GFOD1: variants seen among roughly 807,000 people sequenced by gnomAD.
GFOD1 encodes glucose-fructose oxidoreductase domain-containing protein 1.
A neutral mutation model predicts 25.4 loss-of-function variants in GFOD1; 9 were observed. That is an observed-to-expected ratio of 0.35 (90% CI 0.21 to 0.62). The LOEUF is 0.62. Ranked by LOEUF, GFOD1 falls within the 20% of genes least tolerant of loss-of-function variation. The pLI is 0.72. For synonymous variants in GFOD1, 253 were observed against 245.6 expected (o/e 1.03, Z -0.28); for missense variants, 403 against 556.9 (o/e 0.72, Z 2.78).
chr6:13,451,516 T>G (rs1040558690), intron 1 of GFOD1, among the ~76,000 whole-genome samples: 2 of 152,128 alleles, frequency 1.3e-5, no homozygotes, highest in Non-Finnish European at 2.9e-5. Flanking sequence ...TGAGGTGTCT[T>G]GAGACTTCAT....
At chr6:13,446,751 C>T (rs988283543) in intron 1 of GFOD1, among the ~76,000 whole-genome samples, 4 of 152,142 alleles carry the variant, frequency 2.6e-5, no homozygotes, top group African/African-American at 9.7e-5. Context: ...GGGTAAGGGC[C>T]GATGTGATCC....
At chr6:13,429,192 T>C (rs2127569849) in intron 1 of GFOD1, among the ~76,000 whole-genome samples, 1 of 152,298 alleles carries the variant, frequency 6.6e-6, no homozygotes, top group South Asian at 2.1e-4. Context: ...CATTTTGGGC[T>C]GAGAAGCCCT....
chr6:13,385,469 T>C (rs1030061094), intron 1 of GFOD1, among the ~76,000 whole-genome samples: 10 of 152,220 alleles, frequency 6.6e-5, no homozygotes, highest in Non-Finnish European at 1.0e-4. Flanking sequence ...GTGGCTGTTC[T>C]GCTGGGGCTG....
At chr6:13,380,503 T>C (rs1259541079) in intron 1 of GFOD1, among the ~76,000 whole-genome samples, 2 of 152,170 alleles carry the variant, frequency 1.3e-5, no homozygotes, top group African/African-American at 4.8e-5. Context: ...GATGGGGTGC[T>C]GGCGGGAGCA....
At chr6:13,474,939 C>A (rs1216928506) in intron 1 of GFOD1, among the ~76,000 whole-genome samples, 1 of 152,164 alleles carries the variant, frequency 6.6e-6, no homozygotes, top group Non-Finnish European at 1.5e-5. Context: ...AAACTAATTT[C>A]TCTTGGGTTG....
At position 13,390,723 on chromosome 6, in the gene GFOD1, A is replaced by C. The variant is rs868167463; in HGVS notation, c.254-25061T>G. On this transcript the variant is annotated intron_variant, in intron 1 of 1. Coordinates refer to ENST00000379287, the MANE Select transcript of GFOD1 (RefSeq NM_018988.4). ...GCCTGGTGACAGTGAGACCCTGTGA[A>C]AAAAAAAAAAAGAAAGAAAGACAGG... is the stretch of plus-strand genomic sequence containing the variant. 1.8e-3 allele frequency among the ~76,000 whole-genome samples: 138 copies of C among 75,064 alleles called. 1 individual carries two copies. The Middle Eastern group carries it at 0.032, about 17-fold the overall frequency. The allele number at this position is 75,064 out of a possible 152,430, so 49.2% of individuals were successfully genotyped here.
chr6:13,459,631 G>A (rs10948701), intron 1 of GFOD1, among the ~76,000 whole-genome samples: 149,352 of 152,276 alleles, frequency 0.98, 73,311 homozygotes, highest in Middle Eastern at 1. Flanking sequence ...TAATATCCAG[G>A]ACCTACAAGG....
At chr6:13,375,065 T>G (rs1323087118) in intron 1 of GFOD1, among the ~76,000 whole-genome samples, 1 of 152,198 alleles carries the variant, frequency 6.6e-6, no homozygotes, top group African/African-American at 2.4e-5. Context: ...ATCTTTATGA[T>G]TTCTTTGTGT....
At chr6:13,433,884 T>A (rs1341206996) in intron 1 of GFOD1, among the ~76,000 whole-genome samples, 2 of 152,200 alleles carry the variant, frequency 1.3e-5, no homozygotes, top group Non-Finnish European at 2.9e-5. Context: ...CCCGTACAGA[T>A]CACCTGTTCC....
rs537924100 is a variant in GFOD1, at chr6:13,433,207, C to T, written c.253+53431G>A. ...CAATCTCAGCTCACTGCAACCTCCA[C>T]CTCCAGGGTTCAAGCACTTCTCCTG... On this transcript the variant is annotated intron_variant, in intron 1 of 1. Coordinates refer to ENST00000379287, the MANE Select transcript of GFOD1 (RefSeq NM_018988.4). Among the ~76,000 whole-genome samples, 8 of 151,604 alleles carry T rather than the reference C, an allele frequency of 5.3e-5. No individual in the cohort carries two copies. In the East Asian group the frequency reaches 1.4e-3, roughly 26 times the overall value.
At position 13,471,795 on chromosome 6, in the gene GFOD1, T is replaced by C. The variant is rs575122415; in HGVS notation, c.253+14843A>G. On this transcript the variant is annotated intron_variant, in intron 1 of 1. Transcript: ENST00000379287. ...ATCCATTAATGCTGTCCAGTAGAACTTTCTGCAATGATGGATATATTCTAT... is the reference window on the plus strand; with the variant it reads ...ATCCATTAATGCTGTCCAGTAGAACCTTCTGCAATGATGGATATATTCTAT... Among the ~76,000 whole-genome samples the C allele has an allele frequency of 1.1e-3, 173 of 152,330 alleles. 1 individual carries two copies. The highest frequency in any genetic ancestry group is 1.2e-3 in the Non-Finnish European group (84 of 68,026).
intron 1 of GFOD1, among the ~76,000 whole-genome samples, chr6:13,410,005 G>T (rs1225631823): frequency 2.5e-4 from 30 of 121,588 alleles, no homozygotes; most frequent in East Asian, 1.7e-3. Context: ...CGGATTTTTA[G>T]TTTTTTTTTT....
intron 1 of GFOD1, among the ~76,000 whole-genome samples, chr6:13,482,359 AC>A (rs1758771875): frequency 6.6e-6 from 1 of 151,168 alleles, no homozygotes; most frequent in East Asian, 1.9e-4. Context: ...TTAAATTTTA[AC>A]ATATATAAAT....
At chr6:13,379,209 T>C (rs907322648) in intron 1 of GFOD1, among the ~76,000 whole-genome samples, 5 of 152,040 alleles carry the variant, frequency 3.3e-5, no homozygotes, top group Non-Finnish European at 7.4e-5. Context: ...GGAGGAAAGG[T>C]AGTAGAGATG....
At chr6:13,467,445 A>T (rs904226517) in intron 1 of GFOD1, among the ~76,000 whole-genome samples, 17 of 152,162 alleles carry the variant, frequency 1.1e-4, no homozygotes, top group Non-Finnish European at 2.4e-4. Flanking sequence ...ACACCACCAC[A>T]CACACAGCCC....
intron 1 of GFOD1, among the ~76,000 whole-genome samples, chr6:13,416,017 C>T (rs963908037): frequency 1.3e-5 from 2 of 152,208 alleles, no homozygotes; most frequent in Admixed American, 6.5e-5. Flanking sequence ...CCATGTGTCA[C>T]TTCCCTGGTG....
intron 1 of GFOD1, among the ~76,000 whole-genome samples, chr6:13,441,236 C>T (rs766620724): frequency 3.3e-5 from 5 of 152,218 alleles, no homozygotes; most frequent in African/African-American, 4.8e-5. Context: ...CCCTGGACAT[C>T]TGCCCTTCTT....
intron 1 of GFOD1, among the ~76,000 whole-genome samples, chr6:13,404,129 T>A (rs897328354): frequency 6.6e-6 from 1 of 152,258 alleles, no homozygotes; most frequent in Non-Finnish European, 1.5e-5. Context: ...CTGTGATGTC[T>A]AAAATATTGA....
In GFOD1 at chr6:13,409,153, G is replaced by GAAAGAAAGAAAGAAA. The variant is rs368758101; in HGVS notation, c.254-43492_254-43491insTTTCTTTCTTTCTTT. 2.7e-3 allele frequency among the ~76,000 whole-genome samples: 122 copies of GAAAGAAAGAAAGAAA among 44,504 alleles called. 9 individuals are homozygous for GAAAGAAAGAAAGAAA. The highest frequency in any genetic ancestry group is 0.021 in the Middle Eastern group (2 of 94). 29.2% of individuals were successfully genotyped at this position (44,504 alleles called of 152,430 possible). A position where few individuals can be genotyped will look rare whatever the true frequency, so the allele number is the denominator to read the frequency against. ...AGAAAGAAAGAAAGAAAGAAAGAGAGGAAAGAAAGAAAGGAAAGAGAGAGA... is the reference window on the plus strand; with the variant it reads ...AGAAAGAAAGAAAGAAAGAAAGAGAGAAAGAAAGAAAGAAAGAAAGAAAGAAAGGAAAGAGAGAGA... On this transcript the variant is annotated intron_variant, in intron 1 of 1. Coordinates refer to ENST00000379287, the MANE Select transcript of GFOD1 (RefSeq NM_018988.4).
Sources: allele counts gnomAD v4.1 joint callset (sites outside exome capture counted in the v4.1 genomes callset), GRCh38; gene constraint gnomAD v4.1.1; transcripts MANE v1.5; gene names NCBI Gene and HGNC (gene_info 2026-07-23, HGNC 2026-07-21).